The following IL6ST variants were observed in gnomAD, a reference collection of about 807,000 sequenced individuals.
IL6ST encodes interleukin 6 cytokine family signal transducer.
Under a neutral mutation model 91.3 loss-of-function variants are expected in IL6ST, and 24 were observed. That is an observed-to-expected ratio of 0.26 (90% CI 0.19 to 0.37). The LOEUF is 0.37. Among genes scored for constraint, IL6ST ranks in the 10% least tolerant of loss-of-function variants. IL6ST has a pLI of 1.00. For missense variants in IL6ST, 914 were observed against 1,078.5 expected (o/e 0.85, Z 2.14); for synonymous variants, 351 against 373.6 (o/e 0.94, Z 0.70).
In IL6ST at chr5:55,938,135, A is replaced by ATAC. The variant is rs771869326; in HGVS notation, c.*2944_*2946dup. ...TTTTAAAGTTGTAACATTTCTAAGT[A>ATAC]TACTCCACTAACTTCACAATAAGAG... On this transcript the variant is annotated 3_prime_UTR_variant, in exon 17 of 17. Coordinates refer to ENST00000381298, the MANE Select transcript of IL6ST (RefSeq NM_002184.4). 9.7e-4 allele frequency: 185 copies of ATAC among 190,076 alleles called. No homozygotes were observed. Among genetic ancestry groups the ATAC allele is most frequent in the Middle Eastern group, 1.8e-3 (1 of 544 alleles). 11.8% of individuals were successfully genotyped at this position (190,076 alleles called of 1,614,324 possible). A position where few individuals can be genotyped will look rare whatever the true frequency, so the allele number is the denominator to read the frequency against.
chr5:55,974,938 C>CAT (rs758635365), intron 3 of IL6ST, among the ~76,000 whole-genome samples: 101 of 144,442 alleles, frequency 7.0e-4, no homozygotes, highest in African/African-American at 2.4e-3. Flanking sequence ...ATTATTCATA[C>CAT]ACACACACAC....
intron 10 of IL6ST, among the ~76,000 whole-genome samples, chr5:55,955,283 C>T (rs1381226064): frequency 6.6e-6 from 1 of 152,130 alleles, no homozygotes; most frequent in Non-Finnish European, 1.5e-5. Context: ...CACGGTGAAA[C>T]CCCGTCTCTA....
intron 8 of IL6ST, chr5:55,959,725 G>T: frequency 1.2e-6 from 1 of 868,190 alleles, no homozygotes; most frequent in Non-Finnish European, 1.6e-6. Context: ...TTTGATAGTG[G>T]GGATCTAAGG....
intron 1 of IL6ST, among the ~76,000 whole-genome samples, chr5:55,986,047 A>G (rs1021534485): frequency 6.6e-6 from 1 of 152,256 alleles, no homozygotes. Context: ...CTTTAGCCTT[A>G]TAAATCTTGA....
intron 9 of IL6ST, 114 bp downstream of exon 9, chr5:55,957,095 T>G (rs1405905348): frequency 3.9e-6 from 2 of 517,546 alleles, no homozygotes; most frequent in Non-Finnish European, 6.8e-6. Flanking sequence ...GAGGCAGAGG[T>G]TGCAGTGAGC....
Position 55,941,629 on chromosome 5 carries a change from G to A in IL6ST, c.2210C>T (p.Ser737Phe), listed in dbSNP as rs61740791. 6.2e-7 allele frequency: 1 copy of A among 1,614,010 alleles called. No individual in the cohort carries two copies. The highest frequency in any genetic ancestry group is 1.3e-5 in the African/African-American group (1 of 74,918). Residue 737 changes from serine (S) to phenylalanine (F), a missense_variant, in exon 17 of 17, where the codon TCT (serine) becomes TTT (phenylalanine). By Grantham distance (155) the Ser-to-Phe change is radical (BLOSUM62 -2). Coordinates refer to ENST00000381298, the MANE Select transcript of IL6ST (RefSeq NM_002184.4). The stretch of plus-strand genomic sequence containing the variant: ...ATCACTGCTAGAAATGCTTGGCCTA[G>A]AAGATGACATGCATGAAGACCCCCC... ...GIGGSSCMSS[S>F]RPSISSSDEN...
chr5:55,968,408 T>TA lies in IL6ST; in HGVS notation c.371-13dup, dbSNP rs1055080678. 1.2e-6 allele frequency: 2 copies of TA among 1,608,910 alleles called. No homozygotes were observed. Among genetic ancestry groups the TA allele is most frequent in the Non-Finnish European group, 1.7e-6 (2 of 1,177,696 alleles). ...TTTTTCTGGAGGCACTAAAAGGGAT[T>TA]AATTAGCATCTTTCAGAAAGCTTTA... On this transcript the variant is annotated splice_polypyrimidine_tract_variant and intron_variant, in intron 4 of 16. Coordinates refer to ENST00000381298, the MANE Select transcript of IL6ST (RefSeq NM_002184.4).
At chr5:55,970,455 G>A (rs1393153623) in intron 3 of IL6ST, among the ~76,000 whole-genome samples, 2 of 152,184 alleles carry the variant, frequency 1.3e-5, no homozygotes, top group Non-Finnish European at 2.9e-5. Context: ...GGGAGGCCGA[G>A]GCAAGAGGAT....
intron 15 of IL6ST, among the ~76,000 whole-genome samples, chr5:55,945,197 ACTT>A (rs1751170654): frequency 6.6e-6 from 1 of 152,148 alleles, no homozygotes; most frequent in Non-Finnish European, 1.5e-5. Flanking sequence ...AGCCAAAATA[ACTT>A]CTTTAAAAAA....
At chr5:55,944,446 T>C (rs1287226525) in intron 15 of IL6ST, among the ~76,000 whole-genome samples, 1 of 152,208 alleles carries the variant, frequency 6.6e-6, no homozygotes, top group African/African-American at 2.4e-5. Flanking sequence ...AAACATTTCA[T>C]TTATAATAAC....
chr5:55,959,921 T>C (rs1034831091), intron 8 of IL6ST, among the ~76,000 whole-genome samples: 4 of 152,004 alleles, frequency 2.6e-5, no homozygotes, highest in Non-Finnish European at 5.9e-5. Context: ...AGTCTCGTTC[T>C]GTCACCCAGG....
Position 55,975,396 on chromosome 5 carries a change from T to G in IL6ST, c.64+819A>C, listed in dbSNP as rs1402211726. ...TTTGTCTTCTGCCATGACTGGAAAC[T>G]TCCCAAAGCCTCCCCAGAAGCAGAT... On this transcript the variant is annotated intron_variant, in intron 3 of 16. Coordinates refer to ENST00000381298, the MANE Select transcript of IL6ST (RefSeq NM_002184.4). Among the ~76,000 whole-genome samples, 5 of 152,160 alleles carry G rather than the reference T, an allele frequency of 3.3e-5. No homozygotes were observed. The East Asian group carries it at 7.7e-4, about 23-fold the overall frequency.
chr5:55,951,594 C>T lies in IL6ST; in HGVS notation c.1710G>A (p.Val570=), dbSNP rs745509976. Reference sequence around the variant, plus strand: ...ATGTATATTCTGTGTGGGAAGAATCCACATTCACAGCTGGAAGAAATAAGA... The same window carrying T: ...ATGTATATTCTGTGTGGGAAGAATCTACATTCACAGCTGGAAGAAATAAGA... ...TIIGNETAVN[V]DSSHTEYTLS... is the part of the protein sequence containing the mutation. Residue 570 remains valine, a synonymous_variant, in exon 14 of 17, where the codon GTG becomes GTA. Transcript: ENST00000381298. The T allele has an allele frequency of 3.7e-6, 6 of 1,608,508 alleles. No homozygotes were observed. The East Asian group carries it at 1.3e-4, about 36-fold the overall frequency.
At chr5:55,963,599 A>G (rs1752464644) in intron 6 of IL6ST, 93 bp from the exon 7 acceptor site, 9 of 918,318 alleles carry the variant, frequency 9.8e-6, no homozygotes, top group African/African-American at 1.7e-5. Flanking sequence ...CCTTTATTTT[A>G]CAATAATTTA....
intron 11 of IL6ST, among the ~76,000 whole-genome samples, chr5:55,953,918 T>C (rs950708153): frequency 2.0e-5 from 3 of 152,160 alleles, no homozygotes; most frequent in African/African-American, 7.2e-5. Flanking sequence ...GCCTGGGAGT[T>C]GAAGGCTGCA....
At chr5:55,945,641 A>T in intron 15 of IL6ST, among the ~76,000 whole-genome samples, 1 of 128,778 alleles carries the variant, frequency 7.8e-6, no homozygotes, top group Admixed American at 8.3e-5. Flanking sequence ...AAAATAAAAA[A>T]CTTATGCTTT....
chr5:55,974,266 C>T (rs1217259544), intron 3 of IL6ST, among the ~76,000 whole-genome samples: 1 of 152,154 alleles, frequency 6.6e-6, no homozygotes, highest in Admixed American at 6.5e-5. Flanking sequence ...CAGTAACTAT[C>T]ATTTTTATAA....
chr5:55,963,990 C>CAA (rs1348622690), intron 6 of IL6ST, among the ~76,000 whole-genome samples, 156 bp downstream of exon 6: 21 of 151,900 alleles, frequency 1.4e-4, no homozygotes, highest in African/African-American at 4.6e-4. Context: ...CTAAAATCTA[C>CAA]ATTAATTAAA....
intron 1 of IL6ST, among the ~76,000 whole-genome samples, chr5:55,985,645 A>G (rs575615871): frequency 4.6e-5 from 7 of 152,230 alleles, no homozygotes; most frequent in Non-Finnish European, 1.0e-4. Context: ...TGTCAAGCTG[A>G]AATTTGAGTT....
Sources: gnomAD v4.1 joint callset for allele counts (sites outside exome capture counted in the v4.1 genomes callset) on GRCh38, gnomAD v4.1.1 for gene constraint, MANE v1.5 for transcripts, NCBI Gene and HGNC (gene_info 2026-07-23, HGNC 2026-07-21) for gene names.